The following LARP4B variants were observed in gnomAD, a reference collection of about 807,000 sequenced individuals.
The protein encoded by LARP4B is La ribonucleoprotein 4B, also known as la-related protein 4B.
A neutral mutation model predicts 89.8 loss-of-function variants in LARP4B; 12 were observed. That is an observed-to-expected ratio of 0.13 (90% CI 0.09 to 0.22). The LOEUF (loss-of-function observed/expected upper bound fraction) is 0.22. Among genes scored for constraint, LARP4B ranks in the 10% least tolerant of loss-of-function variants. The pLI, the probability that LARP4B is intolerant of heterozygous loss-of-function variation, is 1.00. For synonymous variants in LARP4B, 367 were observed against 363.3 expected (o/e 1.01, Z -0.12); for missense variants, 757 against 947.7 (o/e 0.80, Z 2.64).
At chr10:885,566 CT>C in intron 2 of LARP4B, 74 bp downstream of exon 2, 1 of 1,056,056 alleles carries the variant, frequency 9.5e-7, no homozygotes, top group Non-Finnish European at 1.4e-6. Context: ...TTTAGAACTC[CT>C]TACTAACTCC....
At chr10:926,776 C>G (rs1216066389) in intron 1 of LARP4B, among the ~76,000 whole-genome samples, 4 of 152,232 alleles carry the variant, frequency 2.6e-5, no homozygotes, top group Non-Finnish European at 5.9e-5. Context: ...GTGGCTCACG[C>G]CTGTAATCCC....
chr10:889,069 A>C (rs1455191336), intron 1 of LARP4B, among the ~76,000 whole-genome samples: 1 of 152,218 alleles, frequency 6.6e-6, no homozygotes, highest in African/African-American at 2.4e-5. Context: ...TAGGGAACAG[A>C]ATAAGATCCT....
intron 1 of LARP4B, 45 bp from the exon 2 acceptor site, chr10:885,805 G>A: frequency 1.1e-6 from 1 of 905,000 alleles, no homozygotes; most frequent in South Asian, 1.6e-5. Flanking sequence ...GAAGGGCACA[G>A]TATGATTATT....
intron 8 of LARP4B, 28 bp downstream of exon 8, chr10:836,375 A>G (rs780029505): frequency 4.9e-5 from 71 of 1,442,024 alleles, no homozygotes; most frequent in Non-Finnish European, 6.2e-5. Context: ...AAAATGTCCA[A>G]GTAACCTTCA....
At chr10:861,399 T>C (rs1215733332) in intron 5 of LARP4B, among the ~76,000 whole-genome samples, 1 of 152,200 alleles carries the variant, frequency 6.6e-6, no homozygotes, top group Non-Finnish European at 1.5e-5. Context: ...ATGATGTTTA[T>C]TGTACATCGG....
intron 1 of LARP4B, among the ~76,000 whole-genome samples, chr10:887,561 A>C (rs974172496): frequency 2.0e-5 from 3 of 148,574 alleles, no homozygotes; most frequent in African/African-American, 7.5e-5. Flanking sequence ...AAATTTAAAA[A>C]CTAGCCAGGA....
Position 915,985 on chromosome 10 carries a change from T to A in LARP4B, c.-40+15443A>T, listed in dbSNP as rs181311290. On this transcript the variant is annotated intron_variant, in intron 1 of 17. Transcript: ENST00000316157. ...CAAAATCAACTTTCAAATTCTAAAA[T>A]TAAGTCTTTTCCAAAAGGAACCCCC... Among the ~76,000 whole-genome samples the A allele has an allele frequency of 2.0e-3, 307 of 152,304 alleles. 1 individual carries two copies. The highest frequency in any genetic ancestry group is 0.014 in the Middle Eastern group (4 of 294).
the LARP4B span, among the ~76,000 whole-genome samples, chr10:984,867 G>A: frequency 6.6e-6 from 1 of 152,302 alleles, no homozygotes; most frequent in South Asian, 2.1e-4. Context: ...GGGAGGTGGA[G>A]GTTGCAGTGA....
chr10:911,147 C>A (rs907004150), intron 1 of LARP4B, among the ~76,000 whole-genome samples: 5 of 152,110 alleles, frequency 3.3e-5, no homozygotes, highest in Admixed American at 1.3e-4. Context: ...GCAGCAGTAG[C>A]CAAAATGAGC....
chr10:862,270 A>C (rs986231792), intron 5 of LARP4B, among the ~76,000 whole-genome samples: 1 of 149,304 alleles, frequency 6.7e-6, no homozygotes, highest in African/African-American at 2.5e-5. Context: ...AAAAAAAAAA[A>C]AAAAAAAAAA....
chr10:821,376 A>C (rs920223463), intron 13 of LARP4B, among the ~76,000 whole-genome samples: 1 of 152,158 alleles, frequency 6.6e-6, no homozygotes, highest in African/African-American at 2.4e-5. Context: ...TCTGTGCCCC[A>C]AAGACTTCCT....
the LARP4B span, among the ~76,000 whole-genome samples, chr10:939,251 G>C: frequency 6.6e-6 from 1 of 152,236 alleles, no homozygotes; most frequent in Non-Finnish European, 1.5e-5. Context: ...GAGGGTGCAG[G>C]CTTGGCGGGA....
chr10:864,685 G>A (rs149326064), intron 3 of LARP4B, among the ~76,000 whole-genome samples: 179 of 152,308 alleles, frequency 1.2e-3, no homozygotes, highest in African/African-American at 4.0e-3. Flanking sequence ...AGGGCGCGGC[G>A]GCTCACACCT....
chr10:855,722 A>G (rs1834267070), intron 5 of LARP4B, among the ~76,000 whole-genome samples: 1 of 152,226 alleles, frequency 6.6e-6, no homozygotes, highest in Admixed American at 6.5e-5. Flanking sequence ...ATGCTATTGG[A>G]AAAATGGTGC....
chr10:831,297 T>A (rs72776498), intron 8 of LARP4B, among the ~76,000 whole-genome samples: 120 of 147,274 alleles, frequency 8.1e-4, no homozygotes, highest in African/African-American at 1.9e-3. Context: ...TTTTTTTTTT[T>A]AAAGGCAATT....
At chr10:818,922 G>C (rs1319735026) in intron 14 of LARP4B, 1 of 152,200 alleles carries the variant, frequency 6.6e-6, no homozygotes, top group South Asian at 2.1e-4. Context: ...CAGGTCAAAG[G>C]ATGAAAATGA....
In LARP4B at chr10:917,156, A is replaced by G. The variant is rs1372359622; in HGVS notation, c.-40+14272T>C. Among the ~76,000 whole-genome samples the G allele has an allele frequency of 2.6e-5, 4 of 152,234 alleles. No individual in the cohort carries two copies. The East Asian group carries it at 7.7e-4, about 29-fold the overall frequency. On this transcript the variant is annotated intron_variant, in intron 1 of 17. Transcript: ENST00000316157. ...CTTAATTACATGGGACTGAAATTACAGATGACTGAAATGATTTTGACGACT... is the reference window on the plus strand; with the variant it reads ...CTTAATTACATGGGACTGAAATTACGGATGACTGAAATGATTTTGACGACT...
At chr10:933,610 G>A (rs1830712514), upstream of LARP4B, among the ~76,000 whole-genome samples, 1 of 152,068 alleles carries the variant, frequency 6.6e-6, no homozygotes, top group South Asian at 2.1e-4. Context: ...AACATTTAAC[G>A]ACATAAGACA....
the LARP4B span, among the ~76,000 whole-genome samples, chr10:979,156 A>G: frequency 2.0e-5 from 3 of 152,236 alleles, no homozygotes; most frequent in Middle Eastern, 3.4e-3. Context: ...CTTAGTCTTT[A>G]TATCTTCAAC....
Sources: gnomAD v4.1 joint callset for allele counts (sites outside exome capture counted in the v4.1 genomes callset) on GRCh38, gnomAD v4.1.1 for gene constraint, MANE v1.5 for transcripts, NCBI Gene and HGNC (gene_info 2026-07-23, HGNC 2026-07-21) for gene names.